DHRSX: variants seen among roughly 807,000 people sequenced by gnomAD.
DHRSX encodes the protein polyprenol dehydrogenase.
Under a neutral mutation model 34.0 loss-of-function variants are expected in DHRSX, and 31 were observed. The ratio of observed to expected loss-of-function variants is 0.91; its 90% CI spans 0.69 to 1.23. The LOEUF (loss-of-function observed/expected upper bound fraction) is 1.23. Among genes scored for constraint, DHRSX ranks in the 50% most tolerant of loss-of-function variants. The pLI, the probability that DHRSX is intolerant of heterozygous loss-of-function variation, is 0.00. For missense variants in DHRSX, 414 were observed against 428.1 expected, an observed-to-expected ratio of 0.97 and a Z score of 0.29; for synonymous variants, 201 against 183.8, an observed-to-expected ratio of 1.09 and a Z score of -0.76.
intron 3 of DHRSX, among the ~76,000 whole-genome samples, chrX:2,387,121 T>TTTGTCACCTGCTATGAA (rs1215545708): frequency 1.3e-5 from 2 of 152,166 alleles, no homozygotes; most frequent in African/African-American, 4.8e-5. Flanking sequence ...ATAAAACATT[T>TTTGTCACCTGCTATGAA]TTGTCACCTG....
chrX:2,226,947 G>A (rs2015678955), intron 6 of DHRSX, among the ~76,000 whole-genome samples: 1 of 152,092 alleles, frequency 6.6e-6, no homozygotes, highest in South Asian at 2.1e-4. Flanking sequence ...TCTGGGACCT[G>A]TCTCAGAGCT....
At chrX:2,482,574 T>C (rs1207636499) in intron 1 of DHRSX, among the ~76,000 whole-genome samples, 1 of 152,204 alleles carries the variant, frequency 6.6e-6, no homozygotes, top group East Asian at 1.9e-4. Context: ...CTCATACCAT[T>C]TTTGTATCAT....
At chrX:2,334,811 T>C (rs1323911769) in intron 3 of DHRSX, 2 of 152,200 alleles carry the variant, frequency 1.3e-5, no homozygotes, top group Non-Finnish European at 2.9e-5. Context: ...CACTATTTAA[T>C]TCTATAATTG....
At chrX:2,400,899 A>G (rs750534738) in intron 3 of DHRSX, among the ~76,000 whole-genome samples, 1 of 152,294 alleles carries the variant, frequency 6.6e-6, no homozygotes, top group South Asian at 2.1e-4. Context: ...TGGTTCACAA[A>G]GATCTATTTT....
At chrX:2,298,319 T>TG (rs1482956781) in intron 3 of DHRSX, among the ~76,000 whole-genome samples, 1 of 136,924 alleles carries the variant, frequency 7.3e-6, no homozygotes, top group African/African-American at 3.3e-5. Flanking sequence ...GTTTTGGTGT[T>TG]TTTTTTTTTT....
At chrX:2,445,788 C>T (rs1046018833) in intron 1 of DHRSX, among the ~76,000 whole-genome samples, 1 of 151,888 alleles carries the variant, frequency 6.6e-6, no homozygotes, top group Non-Finnish European at 1.5e-5. Flanking sequence ...AAAGGAACAG[C>T]ACTGAAGATG....
At chrX:2,390,395 C>T (rs1262784578) in intron 3 of DHRSX, among the ~76,000 whole-genome samples, 24 of 151,764 alleles carry the variant, frequency 1.6e-4, no homozygotes, top group Admixed American at 1.5e-3. Flanking sequence ...GCCTCGGCCT[C>T]CCAAAGTGCT....
chrX:2,438,008 G>GGA (rs1556517276), intron 1 of DHRSX, among the ~76,000 whole-genome samples: 6 of 147,306 alleles, frequency 4.1e-5, no homozygotes, highest in East Asian at 2.0e-4. Flanking sequence ...TAACCATGGG[G>GGA]AAAAAAAAAA....
At chrX:2,408,063 G>C (rs933802091) in intron 3 of DHRSX, among the ~76,000 whole-genome samples, 1 of 152,088 alleles carries the variant, frequency 6.6e-6, no homozygotes, top group Admixed American at 6.6e-5. Context: ...TCTAGCACCT[G>C]GTCGAAAATC....
intron 3 of DHRSX, among the ~76,000 whole-genome samples, chrX:2,396,375 C>CTTTTTTTTTTTTTTTTTT (rs1204243041): frequency 1.6e-4 from 16 of 99,224 alleles, no homozygotes; most frequent in Non-Finnish European, 3.0e-4. Context: ...CTTTCTTTTT[C>CTTTTTTTTTTTTTTTTTT]TTTTTTTTTT....
intron 1 of DHRSX, chrX:2,488,689 C>G (rs377710128): frequency 6.2e-7 from 1 of 1,613,532 alleles, no homozygotes; most frequent in African/African-American, 1.3e-5. Flanking sequence ...CGCCATCCCC[C>G]AAGGAGAACA....
chrX:2,232,014 TCTC>T lies in DHRSX; in HGVS notation c.805-10788_805-10786del, dbSNP rs1462024992. Reference sequence around the variant, plus strand: ...CTCCCTTTTTCCTCCTCCTTCATCTTCTCCTCCTTCTTCCTTCTCCTCCTTTTT... The same window carrying T: ...CTCCCTTTTTCCTCCTCCTTCATCTTCTCCTTCTTCCTTCTCCTCCTTTTT... On this transcript the variant is annotated intron_variant, in intron 6 of 6. Transcript: ENST00000334651. Among the ~76,000 whole-genome samples, 139 of 98,606 alleles carry T rather than the reference TCTC, an allele frequency of 1.4e-3. 4 individuals carry two copies. The highest frequency in any genetic ancestry group is 9.4e-3 in the East Asian group (29 of 3,090). The allele number at this position is 98,606 out of a possible 152,430, so 64.7% of individuals were successfully genotyped here. A position where few individuals can be genotyped will look rare whatever the true frequency, so the allele number is the denominator to read the frequency against.
intron 5 of DHRSX, among the ~76,000 whole-genome samples, chrX:2,246,740 GA>G (rs1303049663): frequency 1.8e-5 from 2 of 110,232 alleles, no homozygotes; most frequent in Non-Finnish European, 4.7e-5. Flanking sequence ...AAGAAAGAAA[GA>G]AAGAAAGAAA....
chrX:2,457,939 G>A (rs1229765885), intron 1 of DHRSX, among the ~76,000 whole-genome samples: 5 of 150,912 alleles, frequency 3.3e-5, no homozygotes, highest in Non-Finnish European at 2.9e-5. Flanking sequence ...CCGCCACCAA[G>A]TACAAACTGA....
At chrX:2,298,527 A>C (rs2041962752) in intron 3 of DHRSX, among the ~76,000 whole-genome samples, 1 of 151,136 alleles carries the variant, frequency 6.6e-6, no homozygotes, top group African/African-American at 2.5e-5. Flanking sequence ...GCAAGATGAC[A>C]CATTTCCTGG....
intron 2 of DHRSX, among the ~76,000 whole-genome samples, chrX:2,417,550 G>A (rs1457209311): frequency 6.6e-6 from 1 of 151,584 alleles, no homozygotes; most frequent in Non-Finnish European, 1.5e-5. Context: ...GCCTCATCAT[G>A]ACCTTCCTAA....
chrX:2,357,700 T>TAAAAA (rs781233833), intron 3 of DHRSX, among the ~76,000 whole-genome samples: 2 of 125,156 alleles, frequency 1.6e-5, no homozygotes, highest in African/African-American at 3.0e-5. Flanking sequence ...CTCAGGAAAT[T>TAAAAA]AAAAAAAAAA....
chrX:2,449,711 G>A (rs907643867), intron 1 of DHRSX, among the ~76,000 whole-genome samples: 4 of 152,004 alleles, frequency 2.6e-5, no homozygotes, highest in African/African-American at 9.7e-5. Flanking sequence ...TGGTTGCCCA[G>A]GCTGTGGTCA....
At chrX:2,389,905 C>T (rs1034048182) in intron 3 of DHRSX, among the ~76,000 whole-genome samples, 41 of 152,068 alleles carry the variant, frequency 2.7e-4, no homozygotes, top group African/African-American at 9.2e-4. Flanking sequence ...CTCAGCCTCC[C>T]GAGGAGCTGG....
Sources: gnomAD v4.1 joint callset for allele counts (sites outside exome capture counted in the v4.1 genomes callset) on GRCh38, gnomAD v4.1.1 for gene constraint, MANE v1.5 for transcripts, NCBI Gene and HGNC (gene_info 2026-07-23, HGNC 2026-07-21) for gene names.